TP63: variants seen among roughly 807,000 people sequenced by gnomAD.
TP63 encodes tumor protein p63.
In TP63, 17 loss-of-function variants were observed where a neutral mutation model predicts 82.8. The ratio of observed to expected loss-of-function variants is 0.21; its 90% CI spans 0.14 to 0.31. TP63 has a LOEUF of 0.31. TP63 is among the 10% of genes least tolerant of loss of function. The pLI is 1.00. For synonymous variants in TP63, 330 were observed against 321.7 expected (o/e 1.03, Z -0.28); for missense variants, 648 against 895.3 (o/e 0.72, Z 3.52).
intron 1 of TP63, among the ~76,000 whole-genome samples, chr3:189,688,551 C>T (rs1168781142): frequency 6.6e-6 from 1 of 152,144 alleles, no homozygotes. Context: ...GACCTATCGT[C>T]TCTCAAAATC....
chr3:189,758,534 A>G lies in TP63; in HGVS notation c.324+19760A>G, dbSNP rs569896500. Among the ~76,000 whole-genome samples, 6 of 152,346 alleles carry G rather than the reference A, an allele frequency of 3.9e-5. No individual in the cohort carries two copies. In the South Asian group the frequency reaches 1.2e-3, roughly 32 times the overall value. On this transcript the variant is annotated intron_variant, in intron 3 of 13. Transcript: ENST00000264731. ...ATATAAAACCCTAAGTCAAAGGTCA[A>G]ACCAGGCACTTGATCTTTCAAGTCA...
intron 4 of TP63, among the ~76,000 whole-genome samples, chr3:189,854,813 C>T (rs1449666252): frequency 6.6e-6 from 1 of 152,114 alleles, no homozygotes; most frequent in South Asian, 2.1e-4. Flanking sequence ...TCAAGAAAAT[C>T]AACTTAGGAA....
intron 3 of TP63, among the ~76,000 whole-genome samples, chr3:189,798,665 A>G (rs1453135168): frequency 6.6e-6 from 1 of 152,114 alleles, no homozygotes; most frequent in Non-Finnish European, 1.5e-5. Context: ...GATGATTTGC[A>G]AACGCTCTCT....
chr3:189,655,942 C>T (rs1408134534), intron 1 of TP63, among the ~76,000 whole-genome samples: 2 of 152,050 alleles, frequency 1.3e-5, no homozygotes, highest in South Asian at 2.1e-4. Context: ...GACCTATTAT[C>T]CATAAGAAAA....
intron 1 of TP63, among the ~76,000 whole-genome samples, chr3:189,679,735 T>C (rs1421411395): frequency 6.6e-6 from 1 of 152,174 alleles, no homozygotes; most frequent in African/African-American, 2.4e-5. Context: ...CTTTCTCCTG[T>C]GTTTTCTTTC....
chr3:189,876,164 T>A (rs1459640634), intron 10 of TP63, among the ~76,000 whole-genome samples: 2 of 152,182 alleles, frequency 1.3e-5, no homozygotes, highest in Admixed American at 6.5e-5. Context: ...TTTCCATGGA[T>A]CATATGAGAA....
At chr3:189,857,899 C>A (rs1264490855) in intron 4 of TP63, among the ~76,000 whole-genome samples, 1 of 152,146 alleles carries the variant, frequency 6.6e-6, no homozygotes, top group Non-Finnish European at 1.5e-5. Context: ...TAAATTAGTA[C>A]AGCCATTATG....
intron 4 of TP63, among the ~76,000 whole-genome samples, chr3:189,824,080 C>T (rs79482068): frequency 0.045 from 6,877 of 152,200 alleles, 211 homozygotes; most frequent in South Asian, 0.078. Flanking sequence ...GGAAACCTGC[C>T]TTTCCTCTCT....
intron 1 of TP63, among the ~76,000 whole-genome samples, chr3:189,647,991 TTAAA>T (rs10531177): frequency 0.45 from 65,456 of 146,014 alleles, 18,755 homozygotes; most frequent in Middle Eastern, 0.66. Flanking sequence ...CATAGAAAGA[TTAAA>T]TAAACGAATT....
At chr3:189,619,917 G>A in the TP63 span, among the ~76,000 whole-genome samples, 334 of 152,210 alleles carry the variant, frequency 2.2e-3, no homozygotes, top group Middle Eastern at 6.8e-3. Context: ...CCCCCATTTC[G>A]TTCTCCACTC....
chr3:189,856,229 G>A (rs547784852), intron 4 of TP63, among the ~76,000 whole-genome samples: 10 of 150,968 alleles, frequency 6.6e-5, no homozygotes, highest in African/African-American at 1.9e-4. Context: ...AATGGAACCC[G>A]TGAAACAAGC....
At position 189,889,423 on chromosome 3, in the gene TP63, A is replaced by G; in HGVS notation, c.1591A>G (p.Met531Val). The change falls in exon 12 of 14, where the codon ATG (methionine) becomes GTG (valine). Residue 531 changes from methionine (M) to valine (V), a missense_variant. This residue lies in a region of TP63 where 342 missense variants were observed against 425.7 expected (regional missense o/e 0.80). Coordinates refer to ENST00000264731, the MANE Select transcript of TP63 (RefSeq NM_003722.5). ...CCAGGCACTCCCTCCCCCACTCTCCATGCCATCCACCTCCCACTGCACACC... is the reference window on the plus strand; with the variant it reads ...CCAGGCACTCCCTCCCCCACTCTCCGTGCCATCCACCTCCCACTGCACACC... ...PTQALPPPLS[M>V]PSTSHCTPPP... 1 of 1,613,560 alleles carries G rather than the reference A, an allele frequency of 6.2e-7. No individual in the cohort carries two copies. The highest frequency in any genetic ancestry group is 8.5e-7 in the Non-Finnish European group (1 of 1,179,856).
chr3:189,764,097 G>A (rs1415557048), intron 3 of TP63, among the ~76,000 whole-genome samples: 1 of 152,170 alleles, frequency 6.6e-6, no homozygotes, highest in Non-Finnish European at 1.5e-5. Context: ...ACCCTTGTAT[G>A]CTCATTGTCA....
intron 4 of TP63, among the ~76,000 whole-genome samples, chr3:189,837,493 T>TTAAATTTAAATCTTAAATTAAGAAATTC (rs1713328729): frequency 6.6e-6 from 1 of 152,182 alleles, no homozygotes; most frequent in Non-Finnish European, 1.5e-5. Flanking sequence ...TTAAGAAATT[T>TTAAATTTAAATCTTAAATTAAGAAATTC]AAGAAACTTC....
At chr3:189,789,669 AAG>A in intron 3 of TP63, 4 of 1,454,662 alleles carry the variant, frequency 2.7e-6, no homozygotes, top group East Asian at 2.8e-5. Context: ...CAGAGAGAGA[AAG>A]AGAGAGAGGG....
rs988531202 is a variant in TP63 at position 189,652,267 on chromosome 3, T to A, written c.62+20690T>A. 8.2e-5 allele frequency among the ~76,000 whole-genome samples: 12 copies of A among 147,046 alleles called. 1 individual carries two copies. Among genetic ancestry groups the A allele is most frequent in the African/African-American group, 3.1e-4 (12 of 39,218 alleles). ...CACAAGGTGGAGCTGTCCAAATCCA[T>A]GGGAGCCCACCTCTTGTATCAGCGT... On this transcript the variant is annotated intron_variant, in intron 1 of 13. Coordinates refer to ENST00000264731, the MANE Select transcript of TP63 (RefSeq NM_003722.5).
intron 4 of TP63, chr3:189,830,111 T>C: frequency 5.3e-6 from 1 of 188,898 alleles, no homozygotes; most frequent in Middle Eastern, 5.0e-4. Context: ...GGGGCTTTGG[T>C]GAGAGAGCAT....
At chr3:189,724,856 A>T (rs1212609186) in intron 1 of TP63, among the ~76,000 whole-genome samples, 1 of 152,188 alleles carries the variant, frequency 6.6e-6, no homozygotes, top group African/African-American at 2.4e-5. Flanking sequence ...TTAAGCTTAC[A>T]TTCTTCAGGC....
intron 3 of TP63, among the ~76,000 whole-genome samples, chr3:189,791,493 A>T (rs1460123792): frequency 6.6e-6 from 1 of 152,158 alleles, no homozygotes; most frequent in Non-Finnish European, 1.5e-5. Flanking sequence ...TATGAAAGAA[A>T]ATAGTTTTAT....
Sources: allele counts gnomAD v4.1 joint callset (sites outside exome capture counted in the v4.1 genomes callset), GRCh38; gene constraint gnomAD v4.1.1; regional missense constraint gnomAD v4.1.1; transcripts MANE v1.5; gene names NCBI Gene and HGNC (gene_info 2026-07-23, HGNC 2026-07-21).